Variants in FAM161A observed in about 807,000 individuals in gnomAD.
FAM161A encodes FAM161 centrosomal protein A.
A neutral mutation model predicts 70.9 loss-of-function variants in FAM161A; 57 were observed. The ratio of observed to expected loss-of-function variants is 0.80; its 90% CI spans 0.65 to 1.00. The LOEUF is 1.00. Ranked by LOEUF, FAM161A falls within the 50% of genes least tolerant of loss-of-function variation. The probability of loss-of-function intolerance (pLI) is 0.00; values close to 1 mark genes in which losing one functional copy is unlikely to be tolerated. For synonymous variants in FAM161A, 299 were observed against 295.7 expected (o/e 1.01, Z -0.12); for missense variants, 880 against 836.0 (o/e 1.05, Z -0.65).
intron 4 of FAM161A, among the ~76,000 whole-genome samples, chr2:61,837,465 T>C (rs957209833): frequency 6.6e-6 from 1 of 152,074 alleles, no homozygotes; most frequent in Admixed American, 6.6e-5. Flanking sequence ...TATACACAAG[T>C]TGGTGTTATG....
chr2:61,833,836 C>A (rs1348361493), intron 5 of FAM161A, among the ~76,000 whole-genome samples: 2 of 152,034 alleles, frequency 1.3e-5, no homozygotes, highest in African/African-American at 2.4e-5. Flanking sequence ...TCACGACCAG[C>A]CTGGGCCATA....
chr2:61,824,402 C>T (rs1672280195), downstream of FAM161A, among the ~76,000 whole-genome samples: 1 of 152,042 alleles, frequency 6.6e-6, no homozygotes, highest in South Asian at 2.1e-4. Context: ...TAACAAAGTG[C>T]TTCAAAAGTT....
chr2:61,851,811 T>TG (rs1485274486), intron 1 of FAM161A, among the ~76,000 whole-genome samples: 2 of 5,904 alleles, frequency 3.4e-4, no homozygotes, highest in South Asian at 6.4e-3. Context: ...GTTGGGGGGT[T>TG]GGGGGGCAGT....
chr2:61,820,631 C>A (rs1672183751), downstream of FAM161A: 4 of 589,478 alleles, frequency 6.8e-6, no homozygotes, highest in South Asian at 7.1e-5. Flanking sequence ...TTGTATTATT[C>A]TTTTTGTATG....
At chr2:61,837,329 G>A (rs553043331) in intron 4 of FAM161A, among the ~76,000 whole-genome samples, 1 of 152,272 alleles carries the variant, frequency 6.6e-6, no homozygotes, top group Middle Eastern at 3.4e-3. Flanking sequence ...CTCACTGTTT[G>A]AGCAAGATCC....
chr2:61,824,030 T>A (rs547220894), downstream of FAM161A, among the ~76,000 whole-genome samples: 1 of 151,856 alleles, frequency 6.6e-6, no homozygotes, highest in African/African-American at 2.4e-5. Flanking sequence ...TGTCTTTTTT[T>A]TCTTTTTTTT....
chr2:61,823,533 C>G (rs1040783053), downstream of FAM161A, among the ~76,000 whole-genome samples: 1 of 151,278 alleles, frequency 6.6e-6, no homozygotes, highest in Non-Finnish European at 1.5e-5. Context: ...GCCTGGCTAA[C>G]TTTTGTATTT....
Position 61,853,885 on chromosome 2 carries a change from T to C in FAM161A, c.157A>G (p.Lys53Glu), listed in dbSNP as rs1558496469. Reference protein sequence around the residue: ...EAILEDEEEEKVAQPAGASAD... With the variant: ...EAILEDEEEEEVAQPAGASAD... ...GATGCCCCAGCGGGCTGAGCCACTT[T>C]CTCCTCCTCTTCGTCCTCCAAGATC... Residue 53 changes from lysine to glutamate, a missense_variant, in exon 1 of 7, where the codon AAA becomes GAA. By Grantham distance (56) the Lys-to-Glu change is moderately conservative. Transcript: ENST00000404929. 1 of 1,613,914 alleles carries C rather than the reference T, an allele frequency of 6.2e-7. No individual in the cohort carries two copies. Among genetic ancestry groups the C allele is most frequent in the Non-Finnish European group, 8.5e-7 (1 of 1,179,824 alleles).
chr2:61,807,700 C>G, the FAM161A span, among the ~76,000 whole-genome samples: 1 of 142,164 alleles, frequency 7.0e-6, no homozygotes, highest in African/African-American at 2.7e-5. Flanking sequence ...AGTGCAGTGG[C>G]GTGAATCATG....
At chr2:61,818,972 T>C in the FAM161A span, among the ~76,000 whole-genome samples, 1 of 152,198 alleles carries the variant, frequency 6.6e-6, no homozygotes, top group African/African-American at 2.4e-5. Flanking sequence ...CAAAGTGACA[T>C]TCTGTGCCTC....
chr2:61,815,256 G>T, the FAM161A span, among the ~76,000 whole-genome samples: 1 of 152,174 alleles, frequency 6.6e-6, no homozygotes, highest in African/African-American at 2.4e-5. Flanking sequence ...TTATCTGGGA[G>T]GATCTTTCTC....
chr2:61,849,226 A>G (rs908728809), intron 1 of FAM161A, among the ~76,000 whole-genome samples: 1 of 145,474 alleles, frequency 6.9e-6, no homozygotes, highest in Non-Finnish European at 1.5e-5. Context: ...CAGAGAATAG[A>G]ATACATATCA....
the FAM161A span, among the ~76,000 whole-genome samples, chr2:61,812,865 C>T: frequency 2.0e-5 from 3 of 152,104 alleles, no homozygotes; most frequent in Admixed American, 6.5e-5. Context: ...GTCAGGAGAT[C>T]AAGACCATGC....
chr2:61,812,215 T>C, the FAM161A span, among the ~76,000 whole-genome samples: 1 of 152,224 alleles, frequency 6.6e-6, no homozygotes, highest in African/African-American at 2.4e-5. Context: ...ATTACTTTTA[T>C]ACTGCTTATC....
chr2:61,806,200 A>G, the FAM161A span, among the ~76,000 whole-genome samples: 1 of 152,200 alleles, frequency 6.6e-6, no homozygotes, highest in Middle Eastern at 3.2e-3. Context: ...CCTGGGCGAC[A>G]GAGCAAGATC....
the FAM161A span, among the ~76,000 whole-genome samples, chr2:61,801,551 GTTTTTTGGT>G: frequency 1.4e-5 from 2 of 144,218 alleles, no homozygotes; most frequent in African/African-American, 5.2e-5. Context: ...TTTGAATAAT[GTTTTTTGGT>G]TTTTTTGGTT....
rs1672369999 is a variant in FAM161A, at chr2:61,826,445, C to A, written c.*10G>T. 1 of 1,611,476 alleles carries A rather than the reference C, an allele frequency of 6.2e-7. No individual in the cohort carries two copies. Among genetic ancestry groups the A allele is most frequent in the Non-Finnish European group, 8.5e-7 (1 of 1,178,554 alleles). On this transcript the variant is annotated 3_prime_UTR_variant, in exon 7 of 7. Coordinates refer to ENST00000404929, the MANE Select transcript of FAM161A (RefSeq NM_001201543.2). ...CAACAGCAAGGGCATAGAGAGGAGA[C>A]CTTGATGATTCAGTGTGATTCTTCA...
At chr2:61,827,425 A>G (rs1344933998) in intron 5 of FAM161A, among the ~76,000 whole-genome samples, 167 bp from the exon 6 acceptor site, 1 of 152,034 alleles carries the variant, frequency 6.6e-6, no homozygotes, top group Non-Finnish European at 1.5e-5. Flanking sequence ...CCTGGCTAAC[A>G]CGGTGAAACC....
In FAM161A at chr2:61,848,840, A is replaced by ATATATATATT. The variant is rs1558491476; in HGVS notation, c.183+5009_183+5018dup. ...TATATATATATATCTATATATATTT[A>ATATATATATT]TATATATATTTATATATATATTTAT... On this transcript the variant is annotated intron_variant, in intron 1 of 6. Transcript: ENST00000404929. 2.0e-3 allele frequency among the ~76,000 whole-genome samples: 45 copies of ATATATATATT among 22,916 alleles called. 16 individuals carry two copies. The highest frequency in any genetic ancestry group is 3.4e-3 in the Non-Finnish European group (41 of 12,160). 15.0% of individuals were successfully genotyped at this position (22,916 alleles called of 152,430 possible).
Sources: allele counts gnomAD v4.1 joint callset (sites outside exome capture counted in the v4.1 genomes callset), GRCh38; gene constraint gnomAD v4.1.1; transcripts MANE v1.5; gene names NCBI Gene and HGNC (gene_info 2026-07-23, HGNC 2026-07-21).